Variants in WWOX observed in about 807,000 individuals in gnomAD.
WWOX encodes WW domain-containing oxidoreductase.
In WWOX, 69 loss-of-function variants were observed where a neutral mutation model predicts 46.2. That is an observed-to-expected ratio of 1.49 (90% confidence interval 1.23 to 1.82). The LOEUF (loss-of-function observed/expected upper bound fraction) is 1.82, where lower values mean the gene tolerates loss of function less well. Ranked by LOEUF, WWOX falls within the 40% of genes most tolerant of loss-of-function variation. The pLI is 0.00. For synonymous variants in WWOX, 359 were observed against 202.6 expected, an observed-to-expected ratio of 1.77 and a Z score of -6.56; for missense variants, 919 against 542.6, an observed-to-expected ratio of 1.69 and a Z score of -6.89.
intron 8 of WWOX, among the ~76,000 whole-genome samples, chr16:78,563,288 C>T (rs1204349672): frequency 6.6e-6 from 1 of 152,088 alleles, no homozygotes; most frequent in Non-Finnish European, 1.5e-5. Context: ...AAGTGTTGCC[C>T]TTCTGCAACT....
At chr16:78,731,780 T>C (rs2048974737) in intron 8 of WWOX, among the ~76,000 whole-genome samples, 1 of 152,008 alleles carries the variant, frequency 6.6e-6, no homozygotes, top group Non-Finnish European at 1.5e-5. Flanking sequence ...TCTGCAGTTG[T>C]TTTATAACAT....
intron 5 of WWOX, among the ~76,000 whole-genome samples, chr16:78,314,336 G>T (rs535934714): frequency 1.3e-5 from 2 of 148,742 alleles, no homozygotes; most frequent in African/African-American, 2.5e-5. Context: ...AACCCAGGAC[G>T]CAGAGGTTGC....
intron 8 of WWOX, among the ~76,000 whole-genome samples, chr16:78,940,586 T>C (rs1597180693): frequency 2.0e-5 from 3 of 152,242 alleles, no homozygotes; most frequent in Middle Eastern, 6.8e-3. Flanking sequence ...GGTATATAGG[T>C]TTTCTCAAAT....
chr16:79,103,952 G>C (rs2049254020), intron 8 of WWOX, among the ~76,000 whole-genome samples: 1 of 147,520 alleles, frequency 6.8e-6, no homozygotes, highest in South Asian at 2.2e-4. Flanking sequence ...CAAGAGAGAA[G>C]TCTAGGAATG....
At chr16:78,767,480 G>T (rs13331182) in intron 8 of WWOX, among the ~76,000 whole-genome samples, 2 of 85,228 alleles carry the variant, frequency 2.3e-5, no homozygotes, top group African/African-American at 9.6e-5. Context: ...GTGTGTGTGT[G>T]TCTGTGTGTG....
intron 4 of WWOX, among the ~76,000 whole-genome samples, chr16:78,120,572 G>A (rs1374809524): frequency 1.4e-5 from 2 of 139,446 alleles, no homozygotes; most frequent in South Asian, 2.3e-4. Flanking sequence ...GCGAGACTCC[G>A]TCTCAAAAAA....
chr16:79,009,905 AT>A (rs2047269596), intron 8 of WWOX, among the ~76,000 whole-genome samples: 1 of 152,216 alleles, frequency 6.6e-6, no homozygotes, highest in Non-Finnish European at 1.5e-5. Context: ...TTTGGAACTT[AT>A]CAAGTTGAGA....
chr16:78,629,378 CAGTA>C (rs2046377733), intron 8 of WWOX, among the ~76,000 whole-genome samples: 1 of 152,096 alleles, frequency 6.6e-6, no homozygotes, highest in Non-Finnish European at 1.5e-5. Flanking sequence ...GCAGTGTTGT[CAGTA>C]AGATTTCTCA....
chr16:79,133,842 T>C (rs945029545), intron 8 of WWOX, among the ~76,000 whole-genome samples: 1 of 152,196 alleles, frequency 6.6e-6, no homozygotes, highest in African/African-American at 2.4e-5. Flanking sequence ...TCAGTAAATG[T>C]TTTTTTCAAA....
intron 8 of WWOX, among the ~76,000 whole-genome samples, chr16:79,189,242 G>A (rs1169892575): frequency 6.6e-6 from 1 of 151,952 alleles, no homozygotes; most frequent in African/African-American, 2.4e-5. Flanking sequence ...TATTAGGAAA[G>A]CCTATTTCTT....
At chr16:78,672,160 T>C (rs72796615) in intron 8 of WWOX, among the ~76,000 whole-genome samples, 4,667 of 152,306 alleles carry the variant, frequency 0.031, 95 homozygotes, top group Non-Finnish European at 0.048. Flanking sequence ...TTTATTTAAA[T>C]GTCAGATTTA....
chr16:78,925,320 C>G (rs1226844913), intron 8 of WWOX, among the ~76,000 whole-genome samples: 1 of 152,104 alleles, frequency 6.6e-6, no homozygotes, highest in Non-Finnish European at 1.5e-5. Context: ...CCTCAACTGC[C>G]CGGATGATAA....
chr16:78,588,635 A>T (rs1375788417), intron 8 of WWOX, among the ~76,000 whole-genome samples: 1 of 152,188 alleles, frequency 6.6e-6, no homozygotes, highest in Non-Finnish European at 1.5e-5. Context: ...GAGGTCATTG[A>T]GTCACTTGAG....
intron 5 of WWOX, among the ~76,000 whole-genome samples, chr16:78,183,585 A>G (rs556804762): frequency 6.6e-6 from 1 of 152,344 alleles, no homozygotes; most frequent in African/African-American, 2.4e-5. Context: ...CCCGAACCGT[A>G]GGATGCTTGT....
chr16:79,093,135 G>A (rs973217885), intron 8 of WWOX, among the ~76,000 whole-genome samples: 52 of 152,078 alleles, frequency 3.4e-4, no homozygotes, highest in African/African-American at 1.2e-3. Flanking sequence ...CTACATCAAT[G>A]AAAAGAATGA....
chr16:79,009,175 T>A (rs917774488), intron 8 of WWOX, among the ~76,000 whole-genome samples: 11 of 152,004 alleles, frequency 7.2e-5, no homozygotes, highest in African/African-American at 2.7e-4. Context: ...ACTAGGTGAG[T>A]GATGTGGAAC....
intron 8 of WWOX, among the ~76,000 whole-genome samples, chr16:78,858,526 A>G (rs1490916460): frequency 6.6e-6 from 1 of 152,132 alleles, no homozygotes; most frequent in Non-Finnish European, 1.5e-5. Context: ...TCATAAAATG[A>G]TTTGGGGTTG....
At chr16:78,420,074 T>C (rs774984105) in intron 6 of WWOX, among the ~76,000 whole-genome samples, 24 of 152,150 alleles carry the variant, frequency 1.6e-4, no homozygotes, top group Non-Finnish European at 2.8e-4. Context: ...ACAATGAGAT[T>C]CCACTTATTG....
At chr16:79,037,827 A>G (rs2047897446) in intron 8 of WWOX, among the ~76,000 whole-genome samples, 1 of 151,928 alleles carries the variant, frequency 6.6e-6, no homozygotes, top group African/African-American at 2.4e-5. Context: ...TTTCTGCCAG[A>G]GGTCAGCATT....
Sources: gnomAD v4.1 joint callset for allele counts (sites outside exome capture counted in the v4.1 genomes callset) on GRCh38, gnomAD v4.1.1 for gene constraint, MANE v1.5 for transcripts, NCBI Gene and HGNC (gene_info 2026-07-23, HGNC 2026-07-21) for gene names.